CREB3L1: variants seen among roughly 807,000 people sequenced by gnomAD.
CREB3L1 encodes cyclic AMP-responsive element-binding protein 3-like protein 1.
Under a neutral mutation model 54.5 loss-of-function variants are expected in CREB3L1, and 33 were observed. The observed-to-expected ratio is 0.61, with a 90% CI of 0.46 to 0.81. The LOEUF (loss-of-function observed/expected upper bound fraction) is 0.81, where lower values mean the gene tolerates loss of function less well. Among genes scored for constraint, CREB3L1 ranks in the 30% least tolerant of loss-of-function variants. The probability of loss-of-function intolerance (pLI) is 0.00; values close to 1 mark genes in which losing one functional copy is unlikely to be tolerated. For synonymous variants in CREB3L1, 284 were observed against 286.4 expected, an observed-to-expected ratio of 0.99 and a Z score of 0.08; for missense variants, 656 against 673.3, an observed-to-expected ratio of 0.97 and a Z score of 0.29.
rs1462091186 is a variant in CREB3L1 at position 46,300,040 on chromosome 11, C to G, written c.208C>G (p.Leu70Val). The G allele has an allele frequency of 1.9e-6, 3 of 1,613,970 alleles. No individual in the cohort carries two copies. The highest frequency in any genetic ancestry group is 2.5e-6 in the Non-Finnish European group (3 of 1,179,874). Reference sequence around the variant, plus strand: ...CCCTGTGCTGGATGAGAAGAGCCCTCTATTGGACATGGAACTGGACTCCCC... The same window carrying G: ...CCCTGTGCTGGATGAGAAGAGCCCTGTATTGGACATGGAACTGGACTCCCC... The part of the protein sequence containing the change: ...DDPVLDEKSP[L>V]LDMELDSPTP... Residue 70 changes from leucine to valine, a missense_variant, in exon 2 of 12, where the codon CTA (leucine) becomes GTA (valine). This residue lies in a region of CREB3L1 where 339 missense variants were observed against 331.5 expected (regional missense o/e 1.02). Transcript: ENST00000621158.
At chr11:46,309,901 C>T in intron 3 of CREB3L1, 88 bp from the exon 4 acceptor site, 2 of 1,078,366 alleles carry the variant, frequency 1.9e-6, no homozygotes, top group Non-Finnish European at 2.8e-6. Context: ...GCAGGGCAGG[C>T]AACCAGCTTT....
chr11:46,281,153 T>C (rs943607554), intron 1 of CREB3L1, among the ~76,000 whole-genome samples: 11 of 152,214 alleles, frequency 7.2e-5, no homozygotes, highest in Non-Finnish European at 1.2e-4. Context: ...TCAGAGATCC[T>C]CAGAAGGGGG....
chr11:46,306,539 A>G (rs1301220523), intron 2 of CREB3L1, among the ~76,000 whole-genome samples: 1 of 150,872 alleles, frequency 6.6e-6, no homozygotes, highest in Non-Finnish European at 1.5e-5. Context: ...CACATACAAA[A>G]CTCTTCAGCG....
chr11:46,306,312 T>C (rs1939396027), intron 2 of CREB3L1, among the ~76,000 whole-genome samples: 1 of 152,134 alleles, frequency 6.6e-6, no homozygotes, highest in Non-Finnish European at 1.5e-5. Flanking sequence ...GTTCAGGAGT[T>C]CGAGACCAGC....
intron 3 of CREB3L1, among the ~76,000 whole-genome samples, 161 bp downstream of exon 3, chr11:46,308,161 T>C (rs1939430290): frequency 7.1e-6 from 1 of 141,542 alleles, no homozygotes; most frequent in South Asian, 2.6e-4. Flanking sequence ...GGCCTCCGCC[T>C]ACCCCCCTGG....
chr11:46,320,693 C>T lies in CREB3L1; in HGVS notation c.1524-17C>T. ...TTCCTGCTGGACAGTCATCGCTGGCCTCTCTTCTCTCTCCAGGGATCTGGG... is the reference window on the plus strand; with the variant it reads ...TTCCTGCTGGACAGTCATCGCTGGCTTCTCTTCTCTCTCCAGGGATCTGGG... On this transcript the variant is annotated splice_polypyrimidine_tract_variant and intron_variant, in intron 11 of 11. Coordinates refer to ENST00000621158, the MANE Select transcript of CREB3L1 (RefSeq NM_052854.4). The T allele has an allele frequency of 6.2e-7, 1 of 1,608,436 alleles. No individual in the cohort carries two copies. Among genetic ancestry groups the T allele is most frequent in the Non-Finnish European group, 8.5e-7 (1 of 1,176,736 alleles).
intron 8 of CREB3L1, chr11:46,315,205 C>G: frequency 3.0e-6 from 1 of 333,682 alleles, no homozygotes; most frequent in Non-Finnish European, 6.0e-6. Flanking sequence ...CCTCTGTTCC[C>G]TGATTGGCCT....
In CREB3L1 at chr11:46,320,774, G is replaced by C; in HGVS notation, c.*28G>C. ...CATGCCAAGACCCAGGACATAGGAC[G>C]GACCCCTGGTACCCAGAAGAGGAGT... On this transcript the variant is annotated 3_prime_UTR_variant, in exon 12 of 12. Transcript: ENST00000621158. 1 of 1,608,408 alleles carries C rather than the reference G, an allele frequency of 6.2e-7. No individual in the cohort carries two copies.
intron 10 of CREB3L1, among the ~76,000 whole-genome samples, chr11:46,318,924 T>C (rs958160184): frequency 1.3e-5 from 2 of 149,100 alleles, no homozygotes; most frequent in African/African-American, 5.0e-5. Context: ...ACAGGGAGAG[T>C]GAAAGCTCCT....
rs142216628 is a variant in CREB3L1 at position 46,314,302 on chromosome 11, G to T, written c.1031+1383G>T. The stretch of plus-strand genomic sequence containing the variant: ...AGGATGGATGTGAGGGTATTAATAA[G>T]ATCCTGCGAATAAAGGATCCAGCCT... On this transcript the variant is annotated intron_variant, in intron 8 of 11. Coordinates refer to ENST00000621158, the MANE Select transcript of CREB3L1 (RefSeq NM_052854.4). Among the ~76,000 whole-genome samples the T allele has an allele frequency of 6.6e-3, 1,005 of 151,876 alleles. 8 individuals are homozygous for T. Among genetic ancestry groups the T allele is most frequent in the African/African-American group, 0.017 (701 of 41,414 alleles).
At chr11:46,308,317 A>G (rs1939432996) in intron 3 of CREB3L1, among the ~76,000 whole-genome samples, 1 of 152,264 alleles carries the variant, frequency 6.6e-6, no homozygotes. Context: ...AGGTGGAGAC[A>G]GCCCAGGCCA....
chr11:46,320,846 CTTCCCA>C lies in CREB3L1; in HGVS notation c.*105_*110del, dbSNP rs1290843823. 1 of 1,270,884 alleles carries C rather than the reference CTTCCCA, an allele frequency of 7.9e-7. No individual in the cohort carries two copies. Among genetic ancestry groups the C allele is most frequent in the Non-Finnish European group, 1.1e-6 (1 of 889,722 alleles). 78.7% of individuals were successfully genotyped at this position (1,270,884 alleles called of 1,614,324 possible). ...CGCCTCGTGCCCCTGCCTCCTGGAG[CTTCCCA>C]TTCCAGGAGAAAAGGCTCCACTTCC... On this transcript the variant is annotated 3_prime_UTR_variant, in exon 12 of 12. Coordinates refer to ENST00000621158, the MANE Select transcript of CREB3L1 (RefSeq NM_052854.4).
intron 8 of CREB3L1, among the ~76,000 whole-genome samples, chr11:46,314,951 T>A (rs1566192644): frequency 6.6e-6 from 1 of 152,096 alleles, no homozygotes; most frequent in Non-Finnish European, 1.5e-5. Context: ...CATGTAATCC[T>A]CCTGCCTCAG....
At chr11:46,301,104 C>T (rs1939294875) in intron 2 of CREB3L1, among the ~76,000 whole-genome samples, 1 of 150,704 alleles carries the variant, frequency 6.6e-6, no homozygotes, top group Non-Finnish European at 1.5e-5. Flanking sequence ...CGCTTGAACC[C>T]AGCAGGCGGA....
At chr11:46,308,105 A>T in intron 3 of CREB3L1, 105 bp downstream of exon 3, 1 of 1,096,210 alleles carries the variant, frequency 9.1e-7, no homozygotes, top group Non-Finnish European at 1.3e-6. Context: ...GTGAACAGGA[A>T]GACATGAGCC....
At chr11:46,308,508 C>T (rs1175476357) in intron 3 of CREB3L1, among the ~76,000 whole-genome samples, 1 of 151,916 alleles carries the variant, frequency 6.6e-6, no homozygotes, top group Non-Finnish European at 1.5e-5. Context: ...GCTATAAACC[C>T]AAGACCCCTC....
chr11:46,307,651 T>C (rs927360233), intron 2 of CREB3L1, among the ~76,000 whole-genome samples, 165 bp from the exon 3 acceptor site: 2 of 152,144 alleles, frequency 1.3e-5, no homozygotes, highest in African/African-American at 4.8e-5. Context: ...TCACCTCTTC[T>C]GGCCCCAGAC....
At chr11:46,294,478 G>A (rs918465416) in intron 1 of CREB3L1, among the ~76,000 whole-genome samples, 6 of 152,220 alleles carry the variant, frequency 3.9e-5, no homozygotes, top group Non-Finnish European at 8.8e-5. Flanking sequence ...TGTAATGGAT[G>A]AGGAAACCGA....
At chr11:46,297,886 A>G (rs1939236310) in intron 1 of CREB3L1, among the ~76,000 whole-genome samples, 2 of 152,210 alleles carry the variant, frequency 1.3e-5, no homozygotes, top group Non-Finnish European at 2.9e-5. Flanking sequence ...ACAATGATCG[A>G]GCATTCACTC....
Sources: gnomAD v4.1 joint callset for allele counts (sites outside exome capture counted in the v4.1 genomes callset) on GRCh38, gnomAD v4.1.1 for gene constraint, gnomAD v4.1.1 regional missense constraint, MANE v1.5 for transcripts, NCBI Gene and HGNC (gene_info 2026-07-23, HGNC 2026-07-21) for gene names.